SYNJ2: variants seen among roughly 807,000 people sequenced by gnomAD.
SYNJ2 encodes the protein synaptojanin 2, also known as polyphosphatidylinositol phosphatase SYNJ2.
A neutral mutation model predicts 141.3 loss-of-function variants in SYNJ2; 116 were observed. The ratio of observed to expected loss-of-function variants is 0.82; its 90% CI spans 0.71 to 0.96. SYNJ2 has a LOEUF of 0.96. SYNJ2 is among the 40% of genes least tolerant of loss of function. SYNJ2 has a pLI of 0.00. For missense variants in SYNJ2, 1,873 were observed against 1,934.8 expected (o/e 0.97, Z 0.60); for synonymous variants, 745 against 777.7 (o/e 0.96, Z 0.70).
At chr6:158,065,074 A>G in intron 11 of SYNJ2, 83 bp downstream of exon 11, 2 of 1,437,760 alleles carry the variant, frequency 1.4e-6, no homozygotes, top group Non-Finnish European at 1.8e-6. Context: ...TGCTATCCAG[A>G]GAGCGGGTGG....
chr6:158,008,946 C>T (rs1778166127), intron 1 of SYNJ2, among the ~76,000 whole-genome samples: 1 of 152,236 alleles, frequency 6.6e-6, no homozygotes, highest in Non-Finnish European at 1.5e-5. Context: ...GTTCCCCACG[C>T]CACTTCCTCC....
chr6:157,998,515 C>A (rs1273335664), intron 1 of SYNJ2, among the ~76,000 whole-genome samples: 1 of 152,152 alleles, frequency 6.6e-6, no homozygotes, highest in Non-Finnish European at 1.5e-5. Context: ...ACATTAAATT[C>A]TCATACAGAA....
At chr6:158,029,515 A>G (rs1310298689) in intron 3 of SYNJ2, 2 of 154,966 alleles carry the variant, frequency 1.3e-5, no homozygotes. Flanking sequence ...CTGTGAGCCA[A>G]GATGGTGCTA....
intron 1 of SYNJ2, among the ~76,000 whole-genome samples, chr6:157,991,968 C>T (rs1234305906): frequency 6.6e-6 from 1 of 152,078 alleles, no homozygotes; most frequent in African/African-American, 2.4e-5. Flanking sequence ...TTGTTAAAAG[C>T]CATGACTTTT....
intron 4 of SYNJ2, among the ~76,000 whole-genome samples, chr6:158,036,356 G>A (rs538458581): frequency 1.3e-5 from 2 of 152,298 alleles, no homozygotes; most frequent in South Asian, 4.1e-4. Flanking sequence ...CAAAGACATG[G>A]AATCAACCTG....
intron 26 of SYNJ2, chr6:158,094,010 A>C (rs1172243102): frequency 1.3e-6 from 1 of 764,810 alleles, no homozygotes; most frequent in East Asian, 2.4e-5. Context: ...CTTCCGTTTG[A>C]TCTCAGTGTT....
Position 158,085,155 on chromosome 6 carries a change from G to A in SYNJ2, c.3208+981G>A, listed in dbSNP as rs117841333. On this transcript the variant is annotated intron_variant, in intron 22 of 26. Coordinates refer to ENST00000355585, the MANE Select transcript of SYNJ2 (RefSeq NM_003898.4). ...CCACCTCAGCCTCCCAAGTAGCTGG[G>A]ACTACAGGGTTGCACCAGCATGCCC... Among the ~76,000 whole-genome samples the A allele has an allele frequency of 3.7e-3, 569 of 151,880 alleles. 1 individual carries two copies. The highest frequency in any genetic ancestry group is 6.8e-3 in the Middle Eastern group (2 of 294).
rs1375910006 is a variant in SYNJ2 at position 158,067,112 on chromosome 6, A to G, written c.1717+477A>G. 1.1e-4 allele frequency among the ~76,000 whole-genome samples: 17 copies of G among 152,190 alleles called. 1 individual carries two copies. Among genetic ancestry groups the G allele is most frequent in the Admixed American group, 1.1e-3 (17 of 15,288 alleles). On this transcript the variant is annotated intron_variant, in intron 12 of 26. Coordinates refer to ENST00000355585, the MANE Select transcript of SYNJ2 (RefSeq NM_003898.4). ...CGGCTCACTGCAACCTCCATCTCCA[A>G]GGTTCAAGCAGTTATCCTGCCTCAG...
At position 158,086,983 on chromosome 6, in the gene SYNJ2, CCT is replaced by C; in HGVS notation, c.3339_3340del (p.Pro1114AsnfsTer47). On this transcript the variant is annotated frameshift_variant, in exon 23 of 27. Transcript: ENST00000355585. LOFTEE classifies it high-confidence loss of function. ...RPPQPPQRPP[P>X]PTGLMVKKSA... ...ACCTCAACCCCCGCAGAGACCCCCC[CCT>C]CCAAGTAAGACTCTGCTTGCTTTCA... is the stretch of plus-strand genomic sequence containing the variant. 1 of 1,502,888 alleles carries C rather than the reference CCT, an allele frequency of 6.7e-7. No individual in the cohort carries two copies. The highest frequency in any genetic ancestry group is 1.1e-5 in the South Asian group (1 of 89,344). 93.1% of individuals were successfully genotyped at this position (1,502,888 alleles called of 1,614,324 possible).
intron 2 of SYNJ2, among the ~76,000 whole-genome samples, chr6:158,023,130 C>T (rs369771301): frequency 2.5e-4 from 38 of 152,012 alleles, no homozygotes; most frequent in East Asian, 2.3e-3. Context: ...CGGTGGTGCA[C>T]GCCTGTAGTC....
Position 158,081,111 on chromosome 6 carries a change from C to T in SYNJ2, c.2570C>T (p.Pro857Leu). Residue 857 changes from proline (P) to leucine (L), a missense_variant and splice_region_variant, in exon 19 of 27, where the codon CCT becomes CTT. Coordinates refer to ENST00000355585, the MANE Select transcript of SYNJ2 (RefSeq NM_003898.4). The part of the protein sequence containing the change: ...RAELQASDHR[P>L]VLAIVEVEVQ... ...TCCCTCTTTTGTTCCTAACGCAGAC[C>T]TGTGCTGGCGATCGTGGAGGTGGAA... 1 of 1,613,794 alleles carries T rather than the reference C, an allele frequency of 6.2e-7. No individual in the cohort carries two copies. Among genetic ancestry groups the T allele is most frequent in the Non-Finnish European group, 8.5e-7 (1 of 1,179,992 alleles).
intron 14 of SYNJ2, 150 bp downstream of exon 14, chr6:158,069,823 G>A: frequency 1.0e-6 from 1 of 1,004,090 alleles, no homozygotes; most frequent in Non-Finnish European, 1.4e-6. Flanking sequence ...AAACCCCCTA[G>A]GAAAAACTGG....
chr6:158,070,853 G>T lies in SYNJ2; in HGVS notation c.1941-749G>T, dbSNP rs34052614. On this transcript the variant is annotated intron_variant, in intron 14 of 26. Coordinates refer to ENST00000355585, the MANE Select transcript of SYNJ2 (RefSeq NM_003898.4). This position sits in a 1 kb window ranked among gnomAD's most constrained non-coding sequence, Gnocchi z 4.0. ...AAGTCCTTTTGAGACCATCTACCCA[G>T]CCCAGCATAAACAGCTGCCCGTTTC... Among the ~76,000 whole-genome samples the T allele has an allele frequency of 0.1, 15,649 of 152,184 alleles. 942 individuals are homozygous for T. Among genetic ancestry groups the T allele is most frequent in the African/African-American group, 0.16 (6,604 of 41,516 alleles).
At chr6:158,005,328 T>C (rs9364738) in intron 1 of SYNJ2, among the ~76,000 whole-genome samples, 57,645 of 151,976 alleles carry the variant, frequency 0.38, 11,075 homozygotes, top group East Asian at 0.51. Context: ...CCACCCACCT[T>C]GGCCTTCCAA....
Position 158,096,524 on chromosome 6 carries a change from A to T in SYNJ2, c.*160A>T. 2.6e-6 allele frequency: 2 copies of T among 765,894 alleles called. No homozygotes were observed. Among genetic ancestry groups the T allele is most frequent in the Non-Finnish European group, 3.9e-6 (2 of 508,776 alleles). The allele number at this position is 765,894 out of a possible 1,614,324, so 47.4% of individuals were successfully genotyped here. A position where few individuals can be genotyped will look rare whatever the true frequency, so the allele number is the denominator to read the frequency against. ...ACAAAAATCGTGTCTCTTATTCAGTAAGATGGTTACTCAGCCACCAAAATA... is the reference window on the plus strand; with the variant it reads ...ACAAAAATCGTGTCTCTTATTCAGTTAGATGGTTACTCAGCCACCAAAATA... On this transcript the variant is annotated 3_prime_UTR_variant, in exon 27 of 27. Coordinates refer to ENST00000355585, the MANE Select transcript of SYNJ2 (RefSeq NM_003898.4).
chr6:158,033,641 C>A lies in SYNJ2; in HGVS notation c.672C>A (p.Asn224Lys), dbSNP rs763396168. Residue 224 changes from asparagine to lysine, a missense_variant, in exon 4 of 27, where the codon AAC (asparagine) becomes AAA (lysine). Coordinates refer to ENST00000355585, the MANE Select transcript of SYNJ2 (RefSeq NM_003898.4). ...CTCGCTTCCACACCCGTGGCGTGAA[C>A]GACGACGGCCATGTGTCCAACTTCG... ...TGTRFHTRGVNDDGHVSNFVE... is the reference protein window; with the variant it reads ...TGTRFHTRGVKDDGHVSNFVE... The A allele has an allele frequency of 6.2e-7, 1 of 1,612,188 alleles. No homozygotes were observed. Among genetic ancestry groups the A allele is most frequent in the Admixed American group, 1.7e-5 (1 of 60,018 alleles).
At position 158,054,980 on chromosome 6, in the gene SYNJ2, ATC is replaced by A; in HGVS notation, c.811_812del (p.Leu271GlufsTer65). The stretch of plus-strand genomic sequence containing the variant: ...TCTTTGCTTTAGGTTGGCTCCCATC[ATC>A]TGAGACTCCACAGAGGCCTGGAAGC... On this transcript the variant is annotated frameshift_variant, in exon 6 of 27. Coordinates refer to ENST00000355585, the MANE Select transcript of SYNJ2 (RefSeq NM_003898.4). LOFTEE classifies it high-confidence loss of function. The A allele has an allele frequency of 6.2e-7, 1 of 1,614,108 alleles. No individual in the cohort carries two copies.
chr6:158,070,249 T>C lies in SYNJ2; in HGVS notation c.1940+576T>C. ...TTGGCCTCATCTTACCACCTGGGCC[T>C]ACCCATGGCTTTTGAATTTCCACCA... is the stretch of plus-strand genomic sequence containing the variant. On this transcript the variant is annotated intron_variant, in intron 14 of 26. Coordinates refer to ENST00000355585, the MANE Select transcript of SYNJ2 (RefSeq NM_003898.4). The surrounding 1 kb of genome is among the most constrained non-coding windows in gnomAD (Gnocchi z 4.0). 1 of 985,516 alleles carries C rather than the reference T, an allele frequency of 1.0e-6. No individual in the cohort carries two copies. The highest frequency in any genetic ancestry group is 4.7e-5 in the South Asian group (1 of 21,288). The allele number at this position is 985,516 out of a possible 1,614,324, so 61.0% of individuals were successfully genotyped here.
At chr6:158,031,526 C>G (rs918254294) in intron 3 of SYNJ2, among the ~76,000 whole-genome samples, 1 of 152,230 alleles carries the variant, frequency 6.6e-6, no homozygotes, top group African/African-American at 2.4e-5. Flanking sequence ...TGTTTAGGCT[C>G]AGGGTGGAGC....
Sources: allele counts gnomAD v4.1 joint callset (sites outside exome capture counted in the v4.1 genomes callset), GRCh38; gene constraint gnomAD v4.1.1; non-coding constraint Gnocchi (gnomAD v3.1); transcripts MANE v1.5; gene names NCBI Gene and HGNC (gene_info 2026-07-23, HGNC 2026-07-21).